Variants in DLGAP2 observed in about 807,000 individuals in gnomAD.
DLGAP2 encodes the protein DLG associated protein 2, also known as disks large-associated protein 2.
A neutral mutation model predicts 100.3 loss-of-function variants in DLGAP2; 26 were observed. The observed-to-expected ratio is 0.26, with a 90% CI of 0.19 to 0.36. DLGAP2 has a LOEUF of 0.36. DLGAP2 is among the 10% of genes least tolerant of loss of function. The pLI is 1.00. For missense variants in DLGAP2, 1,858 were observed against 1,453.2 expected, an observed-to-expected ratio of 1.28 and a Z score of -4.53; for synonymous variants, 886 against 630.1, an observed-to-expected ratio of 1.41 and a Z score of -6.08.
At chr8:1,080,970 CA>C (rs1803787587) in intron 2 of DLGAP2, among the ~76,000 whole-genome samples, 1 of 152,114 alleles carries the variant, frequency 6.6e-6, no homozygotes. Flanking sequence ...GATAGTTTAA[CA>C]ATACAAAATT....
chr8:1,252,422 C>G (rs948773621), intron 2 of DLGAP2, among the ~76,000 whole-genome samples: 3 of 152,092 alleles, frequency 2.0e-5, no homozygotes, highest in Non-Finnish European at 2.9e-5. Flanking sequence ...GTGTCACAGT[C>G]ATGTCATGCC....
At chr8:1,092,460 C>G (rs1804217724) in intron 2 of DLGAP2, among the ~76,000 whole-genome samples, 1 of 152,154 alleles carries the variant, frequency 6.6e-6, no homozygotes, top group South Asian at 2.1e-4. Flanking sequence ...CCTCTTTGCC[C>G]CGTGGTTCCT....
chr8:781,378 G>A (rs1368331433), intron 1 of DLGAP2, among the ~76,000 whole-genome samples: 2 of 151,878 alleles, frequency 1.3e-5, no homozygotes, highest in South Asian at 4.2e-4. Context: ...TCATGGAAGG[G>A]TTAGGAACAT....
At chr8:1,538,500 C>T (rs1371800306) in intron 4 of DLGAP2, among the ~76,000 whole-genome samples, 3 of 152,216 alleles carry the variant, frequency 2.0e-5, no homozygotes, top group Non-Finnish European at 2.9e-5. Flanking sequence ...GCTCAGGGCT[C>T]AGACTGCATG....
At chr8:1,613,578 C>T (rs1797052846) in intron 6 of DLGAP2, among the ~76,000 whole-genome samples, 1 of 151,690 alleles carries the variant, frequency 6.6e-6, no homozygotes, top group Admixed American at 6.6e-5. Context: ...AAATTGACTT[C>T]AACTGAAATT....
At chr8:1,234,093 C>T (rs1284207377) in intron 2 of DLGAP2, among the ~76,000 whole-genome samples, 2 of 152,166 alleles carry the variant, frequency 1.3e-5, no homozygotes, top group African/African-American at 4.8e-5. Flanking sequence ...AAGAGAAGTT[C>T]TTCAGCATTG....
chr8:932,569 CAT>C lies in DLGAP2; in HGVS notation c.73+24606_73+24607del, dbSNP rs530617655. Among the ~76,000 whole-genome samples, 21 of 152,252 alleles carry C rather than the reference CAT, an allele frequency of 1.4e-4. No homozygotes were observed. In the East Asian group the frequency reaches 4.0e-3, roughly 29 times the overall value. On this transcript the variant is annotated intron_variant, in intron 2 of 14. Coordinates refer to ENST00000637795, the MANE Select transcript of DLGAP2 (RefSeq NM_001346810.2). ...ACTAGTATTTCAAGATTTTGATCAT[CAT>C]ATTGTGATTATTATGAAAATGCCAT... is the stretch of plus-strand genomic sequence containing the variant.
At chr8:1,005,969 T>C (rs1801096927) in intron 2 of DLGAP2, among the ~76,000 whole-genome samples, 1 of 152,032 alleles carries the variant, frequency 6.6e-6, no homozygotes, top group Non-Finnish European at 1.5e-5. Context: ...GGCGGGCAAA[T>C]CACGAGGTCA....
At chr8:1,331,945 A>G (rs1801166638) in intron 3 of DLGAP2, among the ~76,000 whole-genome samples, 1 of 152,032 alleles carries the variant, frequency 6.6e-6, no homozygotes, top group Admixed American at 6.5e-5. Context: ...GCCACTGGGG[A>G]GGGCACAGCC....
intron 2 of DLGAP2, among the ~76,000 whole-genome samples, chr8:1,096,458 C>T (rs1008647372): frequency 2.0e-5 from 3 of 152,078 alleles, no homozygotes; most frequent in Non-Finnish European, 2.9e-5. Flanking sequence ...AACCCCCCAG[C>T]GTGAGAACTA....
In DLGAP2 at chr8:1,692,505, G is replaced by A. The variant is rs181697106; in HGVS notation, c.2796+879G>A. ...AGTACCGAGGCAGGGAGGCTGCAAGGGGGAGTGGAGGACAGGAAGAGGCGG... is the reference window on the plus strand; with the variant it reads ...AGTACCGAGGCAGGGAGGCTGCAAGAGGGAGTGGAGGACAGGAAGAGGCGG... On this transcript the variant is annotated intron_variant, in intron 13 of 14. Transcript: ENST00000637795. 8.7e-4 allele frequency among the ~76,000 whole-genome samples: 132 copies of A among 152,266 alleles called. 2 individuals are homozygous for A. In the East Asian group the frequency reaches 0.02, roughly 23 times the overall value.
At chr8:1,610,895 C>T in intron 6 of DLGAP2, among the ~76,000 whole-genome samples, 1 of 114,830 alleles carries the variant, frequency 8.7e-6, no homozygotes, top group Non-Finnish European at 1.7e-5. Context: ...TGGCAATAAT[C>T]AATAGTTTAC....
intron 2 of DLGAP2, among the ~76,000 whole-genome samples, chr8:1,244,847 C>T (rs1798870498): frequency 6.6e-6 from 1 of 152,162 alleles, no homozygotes; most frequent in Non-Finnish European, 1.5e-5. Context: ...GAAGGAAACT[C>T]AAGTAATGAG....
intron 1 of DLGAP2, among the ~76,000 whole-genome samples, chr8:801,352 G>T (rs1796147934): frequency 6.6e-6 from 1 of 152,150 alleles, no homozygotes; most frequent in Admixed American, 6.6e-5. Flanking sequence ...CAGGTGTAGG[G>T]AATCTCCTTT....
chr8:1,037,316 A>G (rs1380243370), intron 2 of DLGAP2, among the ~76,000 whole-genome samples: 2 of 152,002 alleles, frequency 1.3e-5, no homozygotes, highest in Non-Finnish European at 2.9e-5. Flanking sequence ...AACCTGAAGG[A>G]CACCTTTTAT....
chr8:1,614,529 G>T (rs1797086432), intron 6 of DLGAP2, among the ~76,000 whole-genome samples: 1 of 152,198 alleles, frequency 6.6e-6, no homozygotes, highest in Non-Finnish European at 1.5e-5. Flanking sequence ...CTCCAGGTGT[G>T]CAGAAAACAT....
intron 1 of DLGAP2, among the ~76,000 whole-genome samples, chr8:794,324 GAC>G (rs1795982010): frequency 6.6e-6 from 1 of 152,106 alleles, no homozygotes; most frequent in Non-Finnish European, 1.5e-5. Context: ...AGGAATTAAA[GAC>G]ACACACACAG....
intron 8 of DLGAP2, among the ~76,000 whole-genome samples, chr8:1,644,134 C>T (rs942429393): frequency 6.6e-6 from 1 of 151,806 alleles, no homozygotes; most frequent in Non-Finnish European, 1.5e-5. Context: ...CCTGTGTCAC[C>T]CCTCGGGGCT....
In DLGAP2 at chr8:1,593,326, G is replaced by A. The variant is rs533673426; in HGVS notation, c.1442+27432G>A. On this transcript the variant is annotated intron_variant, in intron 6 of 14. Coordinates refer to ENST00000637795, the MANE Select transcript of DLGAP2 (RefSeq NM_001346810.2). ...AACAATTAGCTGGGCGTGGTGGCGGGCGCCTGTAGTCCCAGCTACTCAGGA... is the reference window on the plus strand; with the variant it reads ...AACAATTAGCTGGGCGTGGTGGCGGACGCCTGTAGTCCCAGCTACTCAGGA... 7.9e-5 allele frequency among the ~76,000 whole-genome samples: 12 copies of A among 152,030 alleles called. No individual in the cohort carries two copies. In the South Asian group the frequency reaches 2.5e-3, roughly 32 times the overall value.
Sources: gnomAD v4.1 joint callset for allele counts (sites outside exome capture counted in the v4.1 genomes callset) on GRCh38, gnomAD v4.1.1 for gene constraint, MANE v1.5 for transcripts, NCBI Gene and HGNC (gene_info 2026-07-23, HGNC 2026-07-21) for gene names.